The following ESR1 variants were observed in gnomAD, a reference collection of about 807,000 sequenced individuals.
The protein encoded by ESR1 is estrogen receptor 1, also known as estrogen receptor.
ESR1 carries 12 observed loss-of-function variants against 52.7 expected under a neutral mutation model. The ratio of observed to expected loss-of-function variants is 0.23; its 90% CI spans 0.15 to 0.37. The LOEUF is 0.37. Ranked by LOEUF, ESR1 falls within the 10% of genes least tolerant of loss-of-function variation. The probability of loss-of-function intolerance (pLI) is 1.00; values close to 1 mark genes in which losing one functional copy is unlikely to be tolerated. For synonymous variants in ESR1, 305 were observed against 316.8 expected, an observed-to-expected ratio of 0.96 and a Z score of 0.39; for missense variants, 584 against 779.7, an observed-to-expected ratio of 0.75 and a Z score of 2.99.
intron 2 of ESR1, among the ~76,000 whole-genome samples, chr6:151,865,450 C>A (rs1409533786): frequency 6.6e-6 from 1 of 152,124 alleles, no homozygotes; most frequent in African/African-American, 2.4e-5. Context: ...TCAAGAATCC[C>A]AGAAGGGTAA....
intron 4 of ESR1, among the ~76,000 whole-genome samples, chr6:151,952,156 A>G (rs547442444): frequency 2.0e-5 from 3 of 152,220 alleles, no homozygotes; most frequent in South Asian, 2.1e-4. Context: ...CAGCACTTCA[A>G]TTAACAGTTT....
rs543350132 is a variant in ESR1 at position 152,098,279 on chromosome 6, A to G, written c.1554-453A>G. 6.6e-6 allele frequency among the ~76,000 whole-genome samples: 1 copy of G among 152,242 alleles called. No individual in the cohort carries two copies. The highest frequency in any genetic ancestry group is 1.9e-4 in the East Asian group (1 of 5,168). On this transcript the variant is annotated intron_variant, in intron 7 of 7. Transcript: ENST00000206249. The surrounding 1 kb of genome is among the most constrained non-coding windows in gnomAD (Gnocchi z 5.1). ...AATGGGAAGTGACGTGAGAGATTTA[A>G]CAATGGAGCGTCTTGAACTGCTTTA...
chr6:151,706,282 A>T (rs1780178134), intron 2 of ESR1, among the ~76,000 whole-genome samples: 1 of 152,220 alleles, frequency 6.6e-6, no homozygotes. Context: ...AAAGCTCTTC[A>T]TAGTTTTGTG....
chr6:151,946,613 T>G (rs2035732891), intron 4 of ESR1, among the ~76,000 whole-genome samples: 1 of 152,150 alleles, frequency 6.6e-6, no homozygotes, highest in Non-Finnish European at 1.5e-5. Context: ...ACCTGAATGA[T>G]TCCAAAATCC....
chr6:151,767,400 C>T (rs1283476509), intron 2 of ESR1, among the ~76,000 whole-genome samples: 1 of 152,218 alleles, frequency 6.6e-6, no homozygotes, highest in African/African-American at 2.4e-5. Context: ...ACTCAGGGAA[C>T]TCCTCTTTCT....
intron 1 of ESR1, among the ~76,000 whole-genome samples, chr6:151,834,604 C>A (rs1045504693): frequency 6.6e-6 from 1 of 151,942 alleles, no homozygotes; most frequent in African/African-American, 2.4e-5. Context: ...ATGTAGATGA[C>A]GGGCTGATGG....
intron 1 of ESR1, among the ~76,000 whole-genome samples, chr6:151,833,055 G>T (rs1782708587): frequency 6.6e-6 from 1 of 152,106 alleles, no homozygotes; most frequent in Non-Finnish European, 1.5e-5. Context: ...AACTCTTTTT[G>T]GCTGCTACCT....
chr6:151,756,230 T>C (rs113311019), intron 2 of ESR1, among the ~76,000 whole-genome samples: 380 of 152,190 alleles, frequency 2.5e-3, no homozygotes, highest in Middle Eastern at 6.8e-3. Context: ...ACTCCCTTAC[T>C]AAATTTTTTT....
intron 7 of ESR1, among the ~76,000 whole-genome samples, chr6:152,097,892 C>G (rs958144697): frequency 3.9e-5 from 6 of 152,014 alleles, no homozygotes; most frequent in Non-Finnish European, 7.4e-5. Context: ...AGAATAAACA[C>G]AAATAAATAA....
intron 2 of ESR1, among the ~76,000 whole-genome samples, chr6:151,730,637 ATTGT>A (rs1782169660): frequency 6.6e-6 from 1 of 152,138 alleles, no homozygotes; most frequent in Admixed American, 6.5e-5. Flanking sequence ...TTCACAATTA[ATTGT>A]TTCCATTTGG....
chr6:151,782,395 A>G (rs767187445), intron 2 of ESR1, among the ~76,000 whole-genome samples: 2 of 152,234 alleles, frequency 1.3e-5, no homozygotes, highest in African/African-American at 2.4e-5. Flanking sequence ...GAATAGTATT[A>G]TAATTCAATG....
intron 6 of ESR1, chr6:152,125,153 C>A: frequency 1.6e-6 from 2 of 1,266,566 alleles, no homozygotes; most frequent in Non-Finnish European, 1.1e-6. Context: ...AGAGGCCTAG[C>A]AGGGACTCAG....
chr6:151,693,702 C>G (rs1779113599), intron 1 of ESR1, among the ~76,000 whole-genome samples: 1 of 152,190 alleles, frequency 6.6e-6, no homozygotes, highest in Non-Finnish European at 1.5e-5. Context: ...ACTGCAACCT[C>G]CGCCTCCCAG....
chr6:152,087,257 A>G (rs943675266), intron 6 of ESR1, among the ~76,000 whole-genome samples: 3 of 152,166 alleles, frequency 2.0e-5, no homozygotes, highest in Admixed American at 1.3e-4. Flanking sequence ...AGGGAAGAGA[A>G]ATGACTTCTA....
chr6:151,913,776 C>A (rs926734664), intron 3 of ESR1, among the ~76,000 whole-genome samples: 7 of 151,718 alleles, frequency 4.6e-5, no homozygotes, highest in African/African-American at 1.7e-4. Context: ...TGTATCAGAT[C>A]TTTTTTTTAA....
intron 3 of ESR1, among the ~76,000 whole-genome samples, chr6:151,924,613 G>T (rs1294271827): frequency 6.6e-6 from 1 of 151,910 alleles, no homozygotes; most frequent in African/African-American, 2.4e-5. Flanking sequence ...GTAGGCCCCA[G>T]TGTCTCTTGT....
intron 4 of ESR1, among the ~76,000 whole-genome samples, chr6:151,985,931 A>G (rs988485596): frequency 3.3e-5 from 5 of 152,110 alleles, no homozygotes; most frequent in African/African-American, 9.7e-5. Context: ...AGCCTCCCAA[A>G]GTGCTGGGAT....
At chr6:152,022,899 C>T (rs951677177) in intron 5 of ESR1, among the ~76,000 whole-genome samples, 2 of 151,526 alleles carry the variant, frequency 1.3e-5, no homozygotes, top group African/African-American at 4.9e-5. Flanking sequence ...ATCACTTGAA[C>T]CTGGGAGGCA....
At position 152,099,181 on chromosome 6, in the gene ESR1, T is replaced by C. The variant is rs2050870136; in HGVS notation, c.*215T>C. 3.4e-6 allele frequency: 2 copies of C among 596,638 alleles called. No homozygotes were observed. The highest frequency in any genetic ancestry group is 1.9e-5 in the South Asian group (1 of 52,456). The allele number at this position is 596,638 out of a possible 1,614,324, so 37.0% of individuals were successfully genotyped here. On this transcript the variant is annotated 3_prime_UTR_variant, in exon 8 of 8. Transcript: ENST00000206249. Reference sequence around the variant, plus strand: ...CAGCCAAAGGGATTCCAAGGCTAAATCTTTGTAACAGCTCTCTTTCCCCCT... The same window carrying C: ...CAGCCAAAGGGATTCCAAGGCTAAACCTTTGTAACAGCTCTCTTTCCCCCT...
Sources: allele counts gnomAD v4.1 joint callset (sites outside exome capture counted in the v4.1 genomes callset), GRCh38; gene constraint gnomAD v4.1.1; non-coding constraint Gnocchi (gnomAD v3.1); transcripts MANE v1.5; gene names NCBI Gene and HGNC (gene_info 2026-07-23, HGNC 2026-07-21).